Variants in TRAK1 observed in about 807,000 individuals in gnomAD.
TRAK1 encodes trafficking kinesin protein 1.
In TRAK1, 33 loss-of-function variants were observed where a neutral mutation model predicts 92.1. That is an observed-to-expected ratio of 0.36 (90% CI 0.27 to 0.48). TRAK1 has a LOEUF of 0.48. Among genes scored for constraint, TRAK1 ranks in the 20% least tolerant of loss-of-function variants. The pLI is 0.99. For synonymous variants in TRAK1, 521 were observed against 517.3 expected, an observed-to-expected ratio of 1.01 and a Z score of -0.10; for missense variants, 1,123 against 1,257.9, an observed-to-expected ratio of 0.89 and a Z score of 1.62.
intron 2 of TRAK1, chr3:42,151,488 G>T: frequency 2.6e-6 from 1 of 391,598 alleles, no homozygotes; most frequent in South Asian, 1.9e-5. Flanking sequence ...AATGTATGTT[G>T]AGCAAAATAC....
At chr3:42,189,187 G>A in intron 6 of TRAK1, 63 bp downstream of exon 6, 1 of 1,296,238 alleles carries the variant, frequency 7.7e-7, no homozygotes, top group Non-Finnish European at 1.1e-6. Context: ...GCCTTATCTG[G>A]CAAGGACAAC....
rs566414061 is a variant in TRAK1 at position 42,040,249 on chromosome 3, T to A, written c.-519+26132T>A. On this transcript the variant is annotated intron_variant, in intron 1 of 16. Coordinates refer to the TRAK1 transcript ENST00000487159. ...CTTTTGGTGTCATATCTAAGAAATA[T>A]CATTGCCTACCTTAAGGTCACCAAG... 7.9e-5 allele frequency among the ~76,000 whole-genome samples: 12 copies of A among 152,324 alleles called. No homozygotes were observed. The East Asian group carries it at 2.3e-3, about 29-fold the overall frequency.
At chr3:42,035,006 C>T (rs1702275073) in intron 1 of TRAK1, among the ~76,000 whole-genome samples, 1 of 152,186 alleles carries the variant, frequency 6.6e-6, no homozygotes, top group African/African-American at 2.4e-5. Context: ...TGCTCTTCTC[C>T]TACTTCATTG....
At chr3:42,160,233 C>T (rs552657030) in intron 2 of TRAK1, 271 of 1,489,644 alleles carry the variant, frequency 1.8e-4, no homozygotes, top group Non-Finnish European at 2.2e-4. Context: ...GGCATGTCTG[C>T]GGCCCAGGCC....
At chr3:42,019,790 C>T (rs1701664170) in intron 1 of TRAK1, among the ~76,000 whole-genome samples, 1 of 152,136 alleles carries the variant, frequency 6.6e-6, no homozygotes, top group South Asian at 2.1e-4. Context: ...TAAAATGTCT[C>T]CTTATAATGT....
chr3:42,089,361 C>G (rs1704860077), upstream of TRAK1, among the ~76,000 whole-genome samples: 1 of 152,136 alleles, frequency 6.6e-6, no homozygotes, highest in African/African-American at 2.4e-5. Context: ...CCTTGCCTCC[C>G]TAAAATTCTT....
rs113948453 is a variant in TRAK1 at position 42,131,755 on chromosome 3, TA to T, written c.286+6151del. Among the ~76,000 whole-genome samples, 889 of 148,074 alleles carry T rather than the reference TA, an allele frequency of 6.0e-3. 33 individuals carry two copies. In the East Asian group the frequency reaches 0.1, roughly 17 times the overall value. On this transcript the variant is annotated intron_variant, in intron 2 of 15. Coordinates refer to ENST00000327628, the MANE Select transcript of TRAK1 (RefSeq NM_001042646.3). ...CAAACAAATAAAAATAAATAAAATT[TA>T]AAAAAAAAATACAATCCTTGGCCAG...
chr3:42,219,554 G>A lies in TRAK1; in HGVS notation c.2024G>A (p.Arg675His), dbSNP rs1421824468. The change falls in exon 15 of 16, where the codon CGC becomes CAC. Residue 675 changes from arginine to histidine, a missense_variant. This residue lies in a region of TRAK1 where 401 missense variants were observed against 438.9 expected (regional missense o/e 0.91). Coordinates refer to ENST00000327628, the MANE Select transcript of TRAK1 (RefSeq NM_001042646.3). ...TCCACCTTCACCTTCACCACCTGTC[G>A]CATCCTGCATCCTTCAGATGAGCTC... Reference protein sequence around the residue: ...TNSTFTFTTCRILHPSDELTR... With the variant: ...TNSTFTFTTCHILHPSDELTR... 5.6e-6 allele frequency: 9 copies of A among 1,596,950 alleles called. No individual in the cohort carries two copies. Among genetic ancestry groups the A allele is most frequent in the East Asian group, 2.3e-5 (1 of 43,596 alleles).
At chr3:42,200,119 T>C (rs1418501380) in intron 11 of TRAK1, among the ~76,000 whole-genome samples, 1 of 152,158 alleles carries the variant, frequency 6.6e-6, no homozygotes, top group Non-Finnish European at 1.5e-5. Flanking sequence ...GTACTCAGAC[T>C]CCATAGACAG....
At chr3:42,086,096 A>G (rs371654003), upstream of TRAK1, among the ~76,000 whole-genome samples, 149 of 152,282 alleles carry the variant, frequency 9.8e-4, 1 homozygote, top group African/African-American at 3.5e-3. Context: ...GTGTGTACAC[A>G]TGTGATGTGT....
At chr3:42,204,040 T>C (rs1708036597) in intron 13 of TRAK1, 2 of 985,026 alleles carry the variant, frequency 2.0e-6, no homozygotes, top group South Asian at 9.4e-5. Context: ...TATTATTATT[T>C]TAAAATTGTA....
chr3:42,063,324 G>T (rs1487309943), intron 1 of TRAK1, among the ~76,000 whole-genome samples: 2 of 152,246 alleles, frequency 1.3e-5, no homozygotes, highest in East Asian at 1.9e-4. Flanking sequence ...TCCGGGTTTT[G>T]TCTGTCAGTA....
At chr3:42,189,372 G>A (rs1705344295) in intron 6 of TRAK1, among the ~76,000 whole-genome samples, 1 of 152,104 alleles carries the variant, frequency 6.6e-6, no homozygotes, top group Non-Finnish European at 1.5e-5. Context: ...GAGTTGGAGG[G>A]CCCCTCCTTC....
chr3:42,110,895 A>G (rs1009908120), intron 1 of TRAK1, among the ~76,000 whole-genome samples: 2 of 152,144 alleles, frequency 1.3e-5, no homozygotes, highest in African/African-American at 2.4e-5. Flanking sequence ...ATCCTGCAGC[A>G]TTTATTCAGT....
At chr3:42,056,282 C>T (rs529734345) in intron 1 of TRAK1, among the ~76,000 whole-genome samples, 5 of 152,280 alleles carry the variant, frequency 3.3e-5, no homozygotes, top group Admixed American at 1.3e-4. Flanking sequence ...AGTGGCTGCG[C>T]TATTTTACAT....
chr3:42,205,905 C>G (rs1355422325), intron 13 of TRAK1, among the ~76,000 whole-genome samples: 3 of 152,198 alleles, frequency 2.0e-5, no homozygotes, highest in Non-Finnish European at 4.4e-5. Context: ...ATCTTGGGGC[C>G]AACCAGGAAC....
chr3:42,104,790 T>G (rs1386504708), intron 1 of TRAK1, among the ~76,000 whole-genome samples: 2 of 152,058 alleles, frequency 1.3e-5, no homozygotes, highest in Non-Finnish European at 2.9e-5. Context: ...GAGCACCTCT[T>G]CTCCTCCAAA....
intron 1 of TRAK1, among the ~76,000 whole-genome samples, chr3:42,052,402 G>A (rs1703018701): frequency 6.6e-6 from 1 of 152,198 alleles, no homozygotes. Flanking sequence ...AGATGATCTT[G>A]TAGACTGGTG....
intron 1 of TRAK1, among the ~76,000 whole-genome samples, chr3:42,041,723 T>C (rs1232201962): frequency 6.6e-6 from 1 of 152,112 alleles, no homozygotes; most frequent in Non-Finnish European, 1.5e-5. Flanking sequence ...AGTTTGATAT[T>C]AGCAGTGGGT....
Sources: allele counts gnomAD v4.1 joint callset (sites outside exome capture counted in the v4.1 genomes callset), GRCh38; gene constraint gnomAD v4.1.1; regional missense constraint gnomAD v4.1.1; transcripts MANE v1.5; gene names NCBI Gene and HGNC (gene_info 2026-07-23, HGNC 2026-07-21).